Variants in RASSF8 observed in about 807,000 individuals in gnomAD.
RASSF8 encodes the protein Ras association domain family member 8, also known as ras association domain-containing protein 8.
A neutral mutation model predicts 48.5 loss-of-function variants in RASSF8; 22 were observed. The ratio of observed to expected loss-of-function variants is 0.45; its 90% CI spans 0.32 to 0.65. The LOEUF (loss-of-function observed/expected upper bound fraction) is 0.65. Ranked by LOEUF, RASSF8 falls within the 30% of genes least tolerant of loss-of-function variation. RASSF8 has a pLI of 0.03. For synonymous variants in RASSF8, 127 were observed against 171.5 expected, an observed-to-expected ratio of 0.74 and a Z score of 2.03; for missense variants, 418 against 489.2, an observed-to-expected ratio of 0.85 and a Z score of 1.37.
intron 1 of RASSF8, among the ~76,000 whole-genome samples, chr12:25,974,416 A>G (rs1941556389): frequency 6.6e-6 from 1 of 152,002 alleles, no homozygotes; most frequent in Non-Finnish European, 1.5e-5. Flanking sequence ...TTCCAAAGGT[A>G]TTTATCCTAC....
chr12:26,050,316 C>T (rs1005746630), intron 2 of RASSF8, among the ~76,000 whole-genome samples: 1 of 152,114 alleles, frequency 6.6e-6, no homozygotes. Context: ...ATTTGCATTG[C>T]TATTGATTTG....
intron 2 of RASSF8, among the ~76,000 whole-genome samples, chr12:25,996,221 A>G (rs1942129615): frequency 6.6e-6 from 1 of 152,232 alleles, no homozygotes; most frequent in African/African-American, 2.4e-5. Flanking sequence ...AAAAAAGCCT[A>G]TTCAGACCCT....
chr12:25,978,584 A>G (rs1303599739), intron 1 of RASSF8, among the ~76,000 whole-genome samples: 1 of 152,182 alleles, frequency 6.6e-6, no homozygotes, highest in East Asian at 1.9e-4. Context: ...GCAGTTTCTT[A>G]TTAGAACTCT....
At chr12:25,962,116 A>G (rs376209924) in intron 1 of RASSF8, among the ~76,000 whole-genome samples, 5 of 152,164 alleles carry the variant, frequency 3.3e-5, no homozygotes, top group African/African-American at 9.6e-5. Context: ...AAACACATTT[A>G]TTTATTTTTG....
At chr12:25,984,708 G>A (rs1941831377) in intron 1 of RASSF8, among the ~76,000 whole-genome samples, 2 of 152,206 alleles carry the variant, frequency 1.3e-5, no homozygotes, top group Admixed American at 6.5e-5. Context: ...TTTTAGTGGA[G>A]GACAAGAGGT....
intron 2 of RASSF8, among the ~76,000 whole-genome samples, chr12:25,996,715 T>C: frequency 6.6e-6 from 1 of 152,204 alleles, no homozygotes; most frequent in Non-Finnish European, 1.5e-5. Context: ...TGTTTCCCTT[T>C]TTTGAATGAA....
chr12:25,992,184 A>G (rs1276908318), intron 1 of RASSF8, among the ~76,000 whole-genome samples: 2 of 152,230 alleles, frequency 1.3e-5, no homozygotes, highest in South Asian at 2.1e-4. Context: ...GAATTCATCA[A>G]GCCTTCAGCA....
chr12:25,983,431 T>C (rs747587596), intron 1 of RASSF8, among the ~76,000 whole-genome samples: 3 of 152,230 alleles, frequency 2.0e-5, no homozygotes, highest in Non-Finnish European at 2.9e-5. Flanking sequence ...TGTATGCATA[T>C]GATACATGTG....
chr12:25,995,400 G>T (rs1194698084), intron 2 of RASSF8, among the ~76,000 whole-genome samples: 1 of 152,168 alleles, frequency 6.6e-6, no homozygotes, highest in African/African-American at 2.4e-5. Flanking sequence ...TAGGTTTCAA[G>T]TTTGGAGTCT....
intron 1 of RASSF8, among the ~76,000 whole-genome samples, chr12:25,994,278 TA>T (rs57936692): frequency 0.13 from 18,540 of 138,918 alleles, 1,260 homozygotes; most frequent in African/African-American, 0.2. Context: ...GATAGATTTT[TA>T]AAAAAAAAAA....
downstream of RASSF8, among the ~76,000 whole-genome samples, chr12:26,073,490 A>C (rs1944036576): frequency 6.6e-6 from 1 of 152,152 alleles, no homozygotes; most frequent in South Asian, 2.1e-4. Context: ...TAATCCCAGC[A>C]CTTTGGGAGG....
chr12:26,038,616 C>T (rs1455769323), intron 2 of RASSF8, among the ~76,000 whole-genome samples: 1 of 50,804 alleles, frequency 2.0e-5, no homozygotes, highest in Non-Finnish European at 4.4e-5. Flanking sequence ...AAAACACACA[C>T]ACACACACAC....
At chr12:25,979,806 T>C (rs892945481) in intron 1 of RASSF8, among the ~76,000 whole-genome samples, 1 of 151,948 alleles carries the variant, frequency 6.6e-6, no homozygotes, top group Non-Finnish European at 1.5e-5. Context: ...TGTGTAAGTG[T>C]TGGGGAAACA....
intron 2 of RASSF8, among the ~76,000 whole-genome samples, chr12:26,036,781 A>G (rs1943160506): frequency 6.6e-6 from 1 of 152,084 alleles, no homozygotes. Context: ...AAAATTAGCC[A>G]GGCTTGGTGG....
intron 2 of RASSF8, among the ~76,000 whole-genome samples, chr12:25,998,572 C>G (rs905406561): frequency 8.5e-5 from 13 of 152,150 alleles, no homozygotes; most frequent in African/African-American, 3.1e-4. Context: ...TGGTCTCGAT[C>G]TCTTGACCTC....
At chr12:26,005,200 T>TTTTTG (rs1020968720) in intron 2 of RASSF8, among the ~76,000 whole-genome samples, 9 of 151,748 alleles carry the variant, frequency 5.9e-5, no homozygotes, top group East Asian at 1.9e-4. Flanking sequence ...TTACACTAGG[T>TTTTTG]TTTTGTTTTG....
At chr12:25,997,554 CG>C (rs1462341685) in intron 2 of RASSF8, among the ~76,000 whole-genome samples, 1 of 151,980 alleles carries the variant, frequency 6.6e-6, no homozygotes, top group Non-Finnish European at 1.5e-5. Flanking sequence ...CCTGTTTTTA[CG>C]GGTTTACATA....
intron 3 of RASSF8, among the ~76,000 whole-genome samples, chr12:26,062,636 C>G (rs1025366972): frequency 3.3e-5 from 5 of 152,136 alleles, no homozygotes. Context: ...CCATCTCTGT[C>G]TAGTTTACAT....
At chr12:26,024,587 C>T (rs1942861907) in intron 2 of RASSF8, among the ~76,000 whole-genome samples, 2 of 152,148 alleles carry the variant, frequency 1.3e-5, no homozygotes, top group Non-Finnish European at 2.9e-5. Context: ...CTAAATTTAG[C>T]AGTGTATAAA....
Sources: gnomAD v4.1 joint callset for allele counts (sites outside exome capture counted in the v4.1 genomes callset) on GRCh38, gnomAD v4.1.1 for gene constraint, MANE v1.5 for transcripts, NCBI Gene and HGNC (gene_info 2026-07-23, HGNC 2026-07-21) for gene names.